SLC8A1: variants seen among roughly 807,000 people sequenced by gnomAD.
SLC8A1 encodes solute carrier family 8 member A1.
In SLC8A1, 18 loss-of-function variants were observed where a neutral mutation model predicts 68.3. The observed-to-expected ratio is 0.26, with a 90% CI of 0.18 to 0.39. SLC8A1 has a LOEUF of 0.39. Among genes scored for constraint, SLC8A1 ranks in the 10% least tolerant of loss-of-function variants. The pLI is 1.00. For synonymous variants in SLC8A1, 475 were observed against 415.5 expected, an observed-to-expected ratio of 1.14 and a Z score of -1.74; for missense variants, 985 against 1,156.7, an observed-to-expected ratio of 0.85 and a Z score of 2.15.
chr2:40,367,291 C>T (rs760533071), intron 2 of SLC8A1, among the ~76,000 whole-genome samples: 1 of 152,006 alleles, frequency 6.6e-6, no homozygotes, highest in African/African-American at 2.4e-5. Context: ...TCAGAATCTT[C>T]TTCTGCCTGT....
intron 1 of SLC8A1, among the ~76,000 whole-genome samples, chr2:40,431,912 G>T (rs1698403756): frequency 6.6e-6 from 1 of 152,062 alleles, no homozygotes; most frequent in Non-Finnish European, 1.5e-5. Context: ...GCCCTTTATA[G>T]CTCATCACTA....
intron 2 of SLC8A1, among the ~76,000 whole-genome samples, chr2:40,302,074 T>TGTGTGTGTGTGTGTGTGTGTGTGTG (rs1491553759): frequency 4.1e-5 from 6 of 147,910 alleles, no homozygotes; most frequent in South Asian, 2.2e-4. Flanking sequence ...TGTGTGTGTG[T>TGTGTGTGTGTGTGTGTGTGTGTGTG]TTAGTAGAGA....
chr2:40,295,858 C>T (rs1192553649), intron 2 of SLC8A1, among the ~76,000 whole-genome samples: 1 of 152,156 alleles, frequency 6.6e-6, no homozygotes, highest in Non-Finnish European at 1.5e-5. Context: ...ATCATTAAAA[C>T]TGAAGGCCAA....
rs1553562236 is a variant in SLC8A1 at position 40,391,190 on chromosome 2, T to TTACACACACACGTATATATATA, written c.1808+37282_1808+37283insTATATATATACGTGTGTGTGTA. Among the ~76,000 whole-genome samples the TTACACACACACGTATATATATA allele has an allele frequency of 3.0e-3, 449 of 149,186 alleles. 2 individuals are homozygous for TTACACACACACGTATATATATA. Among genetic ancestry groups the TTACACACACACGTATATATATA allele is most frequent in the African/African-American group, 0.011 (432 of 40,554 alleles). On this transcript the variant is annotated intron_variant, in intron 2 of 7. Transcript: ENST00000406785. ...ATGTAGATGCGTGTGTGTATATATA[T>TTACACACACACGTATATATATA]TACACACACACATATGTCTGTGTGT...
intron 2 of SLC8A1, among the ~76,000 whole-genome samples, chr2:40,351,382 T>A (rs1454677690): frequency 6.6e-6 from 1 of 152,070 alleles, no homozygotes; most frequent in Non-Finnish European, 1.5e-5. Context: ...GGATGGAGAA[T>A]GTGGAGACAG....
chr2:40,147,499 T>G (rs1573147096), intron 6 of SLC8A1, among the ~76,000 whole-genome samples: 1 of 152,148 alleles, frequency 6.6e-6, no homozygotes, highest in Admixed American at 6.6e-5. Flanking sequence ...CAAGTGTAGA[T>G]ACCTCCTGCT....
intron 1 of SLC8A1, among the ~76,000 whole-genome samples, chr2:40,432,401 T>TGGGTGTGTGTGTG (rs1553607883): frequency 7.8e-6 from 1 of 128,736 alleles, no homozygotes; most frequent in Non-Finnish European, 1.6e-5. Flanking sequence ...GAGTGTGAGA[T>TGGGTGTGTGTGTG]TGTGTGTGTG....
At chr2:40,163,439 C>T (rs945611150) in intron 5 of SLC8A1, among the ~76,000 whole-genome samples, 3 of 152,156 alleles carry the variant, frequency 2.0e-5, no homozygotes, top group Non-Finnish European at 4.4e-5. Flanking sequence ...CAGAAAATGG[C>T]ACTCAGCTCT....
upstream of SLC8A1, among the ~76,000 whole-genome samples, chr2:40,453,939 TC>T (rs1189951329): frequency 1.3e-5 from 2 of 152,196 alleles, no homozygotes; most frequent in African/African-American, 4.8e-5. Context: ...CAGGAATCGT[TC>T]TTGCCTAAGA....
intron 4 of SLC8A1, among the ~76,000 whole-genome samples, chr2:40,170,555 G>C (rs1361899824): frequency 1.3e-5 from 2 of 152,202 alleles, no homozygotes; most frequent in African/African-American, 2.4e-5. Context: ...TCACTGCTCA[G>C]AGATGAGCGA....
rs963667732 is a variant in SLC8A1, at chr2:40,305,308, G to C, written c.1808+123165C>G. 2.6e-5 allele frequency among the ~76,000 whole-genome samples: 4 copies of C among 152,258 alleles called. No individual in the cohort carries two copies. The East Asian group carries it at 7.7e-4, about 29-fold the overall frequency. On this transcript the variant is annotated intron_variant, in intron 2 of 7. Coordinates refer to ENST00000406785, the Ensembl canonical transcript of SLC8A1. Reference sequence around the variant, plus strand: ...TTTCGAGTTCAGCACTGGATGTTGAGGGCTGATAATATTTAGTTGTGAGGG... The same window carrying C: ...TTTCGAGTTCAGCACTGGATGTTGACGGCTGATAATATTTAGTTGTGAGGG...
chr2:40,452,991 C>T (rs1702738726), upstream of SLC8A1, among the ~76,000 whole-genome samples: 1 of 152,164 alleles, frequency 6.6e-6, no homozygotes, highest in African/African-American at 2.4e-5. Context: ...GAAGCATTAT[C>T]ATTGCCAATA....
intron 2 of SLC8A1, among the ~76,000 whole-genome samples, chr2:40,253,117 A>G (rs1234055841): frequency 9.1e-6 from 1 of 110,018 alleles, no homozygotes; most frequent in Non-Finnish European, 1.8e-5. Flanking sequence ...ATACGTGTAT[A>G]CATATATACA....
intron 2 of SLC8A1, among the ~76,000 whole-genome samples, chr2:40,235,835 T>G (rs1335877641): frequency 1.3e-5 from 2 of 150,786 alleles, no homozygotes; most frequent in Non-Finnish European, 3.0e-5. Flanking sequence ...ACATCTTTAT[T>G]TCTGCCTTCA....
chr2:40,298,636 G>C (rs1438309122), intron 2 of SLC8A1, among the ~76,000 whole-genome samples: 1 of 152,116 alleles, frequency 6.6e-6, no homozygotes, highest in African/African-American at 2.4e-5. Flanking sequence ...TATTTTGAAA[G>C]AAATTAGAAG....
intron 2 of SLC8A1, among the ~76,000 whole-genome samples, chr2:40,213,978 C>T (rs1465804663): frequency 1.3e-5 from 2 of 152,090 alleles, no homozygotes; most frequent in African/African-American, 4.8e-5. Context: ...AATGAATAGC[C>T]ACAGATGATC....
chr2:40,324,809 C>T (rs905383773), intron 2 of SLC8A1, among the ~76,000 whole-genome samples: 2 of 152,112 alleles, frequency 1.3e-5, no homozygotes, highest in Non-Finnish European at 2.9e-5. Context: ...CTTGGTTGAA[C>T]TAGAAATGTC....
At chr2:40,441,572 T>C (rs1319331832) in intron 1 of SLC8A1, among the ~76,000 whole-genome samples, 2 of 151,946 alleles carry the variant, frequency 1.3e-5, no homozygotes, top group East Asian at 1.9e-4. Flanking sequence ...ACAGACATTA[T>C]AGACCAATAG....
chr2:40,269,989 G>C (rs191889171), intron 2 of SLC8A1, among the ~76,000 whole-genome samples: 32 of 152,204 alleles, frequency 2.1e-4, no homozygotes, highest in African/African-American at 7.2e-4. Context: ...GATCCTGATA[G>C]CTCCTTAATT....
Sources: allele counts gnomAD v4.1 joint callset (sites outside exome capture counted in the v4.1 genomes callset), GRCh38; gene constraint gnomAD v4.1.1; transcripts MANE v1.5; gene names NCBI Gene and HGNC (gene_info 2026-07-23, HGNC 2026-07-21).